Variants in TRPC4AP observed in about 807,000 individuals in gnomAD.
The protein encoded by TRPC4AP is short transient receptor potential channel 4-associated protein.
A neutral mutation model predicts 99.0 loss-of-function variants in TRPC4AP; 45 were observed. The observed-to-expected ratio is 0.45, with a 90% CI of 0.36 to 0.58. TRPC4AP has a LOEUF of 0.58. TRPC4AP is among the 20% of genes least tolerant of loss of function. The pLI is 0.00. For synonymous variants in TRPC4AP, 408 were observed against 385.8 expected (o/e 1.06, Z -0.67); for missense variants, 879 against 985.3 (o/e 0.89, Z 1.44).
At chr20:35,064,568 G>A (rs6088694) in intron 3 of TRPC4AP, among the ~76,000 whole-genome samples, 28,232 of 152,198 alleles carry the variant, frequency 0.19, 2,708 homozygotes, top group Middle Eastern at 0.34. Flanking sequence ...ACCACAGATT[G>A]TCAATTCTAG....
At chr20:35,028,974 G>A (rs527861886) in intron 8 of TRPC4AP, among the ~76,000 whole-genome samples, 28 of 151,958 alleles carry the variant, frequency 1.8e-4, no homozygotes, top group Non-Finnish European at 3.7e-4. Context: ...TTTTTGGCTG[G>A]GTGGTGGTGG....
intron 7 of TRPC4AP, among the ~76,000 whole-genome samples, chr20:35,043,882 C>T (rs2083497223): frequency 6.6e-6 from 1 of 152,150 alleles, no homozygotes. Context: ...AGTGTCTATA[C>T]ATCATTATCT....
chr20:35,024,891 C>T (rs1284465932), intron 8 of TRPC4AP, among the ~76,000 whole-genome samples: 2 of 142,580 alleles, frequency 1.4e-5, no homozygotes, highest in East Asian at 2.2e-4. Flanking sequence ...CAGTCATTTG[C>T]GTTGTTTCCA....
chr20:35,058,284 T>C (rs1203622097), intron 3 of TRPC4AP, among the ~76,000 whole-genome samples: 4 of 152,196 alleles, frequency 2.6e-5, no homozygotes, highest in Admixed American at 6.5e-5. Flanking sequence ...AATAGAAGAC[T>C]TGAACACAAC....
At chr20:35,014,230 G>C (rs769472120) in intron 10 of TRPC4AP, among the ~76,000 whole-genome samples, 20 of 152,082 alleles carry the variant, frequency 1.3e-4, no homozygotes, top group Non-Finnish European at 2.8e-4. Flanking sequence ...CTCATGCAGT[G>C]GGCAGCCCCC....
chr20:35,042,929 T>A (rs1356032019), intron 7 of TRPC4AP, among the ~76,000 whole-genome samples: 1 of 152,220 alleles, frequency 6.6e-6, no homozygotes, highest in Admixed American at 6.5e-5. Flanking sequence ...CCTTACCAGC[T>A]ACTTCCTATT....
chr20:35,092,593 CCTCCT>C lies in TRPC4AP; in HGVS notation c.168+16_168+20del, dbSNP rs1569163846. On this transcript the variant is annotated intron_variant, in intron 1 of 18. Transcript: ENST00000252015. ...CCCGCCTGGTCCGCCCCGCCCCGCC[CCTCCT>C]GGTCCAGCCTCGTACCTGCACCGCC... The C allele has an allele frequency of 1.4e-6, 2 of 1,468,914 alleles. No individual in the cohort carries two copies. Among genetic ancestry groups the C allele is most frequent in the Admixed American group, 5.1e-5 (2 of 39,184 alleles). The allele number at this position is 1,468,914 out of a possible 1,614,324, so 91.0% of individuals were successfully genotyped here.
At chr20:35,016,519 T>C (rs1409955121) in intron 9 of TRPC4AP, among the ~76,000 whole-genome samples, 1 of 152,120 alleles carries the variant, frequency 6.6e-6, no homozygotes, top group African/African-American at 2.4e-5. Flanking sequence ...TTAAGATTTG[T>C]CTCCTCGTAT....
At chr20:35,089,828 A>G (rs574087961) in intron 1 of TRPC4AP, among the ~76,000 whole-genome samples, 2 of 152,318 alleles carry the variant, frequency 1.3e-5, no homozygotes, top group African/African-American at 4.8e-5. Context: ...TCTGGGCAAC[A>G]GAGCGAGACT....
chr20:35,074,468 T>A (rs531492158), intron 2 of TRPC4AP, among the ~76,000 whole-genome samples: 2 of 152,338 alleles, frequency 1.3e-5, no homozygotes, highest in African/African-American at 4.8e-5. Context: ...TGGTATGTCA[T>A]GTCTTTGTTC....
intron 2 of TRPC4AP, among the ~76,000 whole-genome samples, chr20:35,075,168 G>A (rs2084439716): frequency 6.6e-6 from 1 of 151,860 alleles, no homozygotes; most frequent in Non-Finnish European, 1.5e-5. Context: ...CATGTGAGAT[G>A]GGTCTCCTGA....
chr20:35,083,518 G>A (rs1023682498), intron 1 of TRPC4AP, among the ~76,000 whole-genome samples: 13 of 151,662 alleles, frequency 8.6e-5, no homozygotes, highest in African/African-American at 3.2e-4. Context: ...GCTGAGGCAG[G>A]AGAATCGCTT....
At chr20:35,069,801 T>C in intron 2 of TRPC4AP, among the ~76,000 whole-genome samples, 1 of 152,094 alleles carries the variant, frequency 6.6e-6, no homozygotes, top group South Asian at 2.1e-4. Context: ...ATTAGCCGGA[T>C]GTGGTGCTAC....
intron 3 of TRPC4AP, among the ~76,000 whole-genome samples, chr20:35,062,079 T>C (rs2084022212): frequency 6.6e-6 from 1 of 152,140 alleles, no homozygotes; most frequent in Admixed American, 6.5e-5. Context: ...ATCAGGGAAA[T>C]GCAAATCAAA....
At chr20:35,012,392 G>C (rs1020834639) in intron 11 of TRPC4AP, among the ~76,000 whole-genome samples, 86 of 152,228 alleles carry the variant, frequency 5.6e-4, no homozygotes, top group African/African-American at 2.1e-3. Flanking sequence ...TGCACACGCA[G>C]CTGGCTGGAG....
At position 35,057,575 on chromosome 20, in the gene TRPC4AP, TA is replaced by T. The variant is rs763483063; in HGVS notation, c.415-5del. 7.5e-6 allele frequency: 12 copies of T among 1,602,830 alleles called. No individual in the cohort carries two copies. The highest frequency in any genetic ancestry group is 3.4e-5 in the Admixed American group (2 of 58,578). On this transcript the variant is annotated splice_polypyrimidine_tract_variant and splice_region_variant and intron_variant, in intron 3 of 18. Transcript: ENST00000252015. ...TCATAAGAATTTCTACAAGAAGCTA[TA>T]AAAAAAATTAGATAAAATCTTCAAA...
chr20:35,077,197 C>T (rs2084503300), intron 2 of TRPC4AP, among the ~76,000 whole-genome samples: 1 of 152,164 alleles, frequency 6.6e-6, no homozygotes, highest in Non-Finnish European at 1.5e-5. Flanking sequence ...GGAATTCCCC[C>T]ACCCCTTGCG....
chr20:35,064,164 C>T (rs1407202), intron 3 of TRPC4AP, among the ~76,000 whole-genome samples: 56,921 of 152,086 alleles, frequency 0.37, 12,392 homozygotes, highest in East Asian at 0.59. Flanking sequence ...AAGACATTCC[C>T]TATATACGTA....
At chr20:35,006,406 C>A in intron 15 of TRPC4AP, 29 bp downstream of exon 15, 1 of 1,611,288 alleles carries the variant, frequency 6.2e-7, no homozygotes, top group Non-Finnish European at 8.5e-7. Flanking sequence ...CAACCCAGCA[C>A]ACTCCACAGA....
Sources: allele counts gnomAD v4.1 joint callset (sites outside exome capture counted in the v4.1 genomes callset), GRCh38; gene constraint gnomAD v4.1.1; transcripts MANE v1.5; gene names NCBI Gene and HGNC (gene_info 2026-07-23, HGNC 2026-07-21).